The following KLF8 variants were observed in gnomAD, a reference collection of about 807,000 sequenced individuals.
The protein encoded by KLF8 is KLF transcription factor 8, also known as Krueppel-like factor 8.
Under a neutral mutation model 18.2 loss-of-function variants are expected in KLF8, and 10 were observed. The ratio of observed to expected loss-of-function variants is 0.55; its 90% CI spans 0.34 to 0.93. The LOEUF (loss-of-function observed/expected upper bound fraction) is 0.93. Among genes scored for constraint, KLF8 ranks in the 40% least tolerant of loss-of-function variants. The pLI is 0.02. For synonymous variants in KLF8, 109 were observed against 97.3 expected, an observed-to-expected ratio of 1.12 and a Z score of -0.71; for missense variants, 264 against 277.9, an observed-to-expected ratio of 0.95 and a Z score of 0.36.
chrX:56,072,022 A>C, the KLF8 span, among the ~76,000 whole-genome samples: 1 of 111,766 alleles, frequency 8.9e-6, no homozygotes, highest in Non-Finnish European at 1.9e-5. Context: ...TTTAGCAGAT[A>C]AGAATGACTT....
At chrX:56,039,275 A>T in the KLF8 span, among the ~76,000 whole-genome samples, 3 of 111,392 alleles carry the variant, frequency 2.7e-5, no homozygotes, top group East Asian at 8.4e-4. Flanking sequence ...ATGTCATGAA[A>T]TTTTTGCCCA....
At chrX:56,033,746 T>C in the KLF8 span, among the ~76,000 whole-genome samples, 1 of 112,035 alleles carries the variant, frequency 8.9e-6, no homozygotes, top group African/African-American at 3.3e-5. Context: ...AATTTGCATT[T>C]CCCTAATGAT....
chrX:56,016,583 A>G, the KLF8 span, among the ~76,000 whole-genome samples: 1 of 111,832 alleles, frequency 8.9e-6, no homozygotes, highest in Non-Finnish European at 1.9e-5. Flanking sequence ...TAAATAAGCC[A>G]TGAATCTCCA....
the KLF8 span, among the ~76,000 whole-genome samples, chrX:56,157,908 G>T: frequency 9.0e-5 from 10 of 111,722 alleles, no homozygotes; most frequent in African/African-American, 3.3e-4. Context: ...GATCCCATTT[G>T]TCAATTTTGT....
At chrX:55,997,470 A>G in the KLF8 span, among the ~76,000 whole-genome samples, 1 of 111,360 alleles carries the variant, frequency 9.0e-6, no homozygotes. Flanking sequence ...TACTACTCCA[A>G]TGCTCATTTA....
chrX:56,274,471 C>A (rs913240437), intron 5 of KLF8, among the ~76,000 whole-genome samples: 5 of 111,758 alleles, frequency 4.5e-5, no homozygotes, highest in Admixed American at 9.5e-5. Context: ...TGTCTCTTCA[C>A]TTTGTTGATT....
chrX:56,218,057 T>C, the KLF8 span, among the ~76,000 whole-genome samples: 1 of 111,247 alleles, frequency 9.0e-6, no homozygotes, highest in East Asian at 2.8e-4. Flanking sequence ...TGAGGCAGAA[T>C]CATTTGACTT....
chrX:55,971,285 A>G, the KLF8 span, among the ~76,000 whole-genome samples: 5 of 111,657 alleles, frequency 4.5e-5, no homozygotes, highest in Non-Finnish European at 9.5e-5. Context: ...CTCATTTTTG[A>G]CAAAAGCCAA....
chrX:56,131,050 G>A, the KLF8 span, among the ~76,000 whole-genome samples: 2 of 111,469 alleles, frequency 1.8e-5, no homozygotes, highest in African/African-American at 6.5e-5. Flanking sequence ...AAATCTAAAC[G>A]TTAGGAAAAC....
intron 2 of KLF8, among the ~76,000 whole-genome samples, chrX:56,258,054 A>G (rs1179152985): frequency 3.6e-5 from 4 of 112,087 alleles, no homozygotes; most frequent in Non-Finnish European, 7.5e-5. Context: ...ATTTAGCCCT[A>G]TTTGATGTCC....
chrX:56,180,661 G>T, the KLF8 span, among the ~76,000 whole-genome samples: 1 of 110,871 alleles, frequency 9.0e-6, no homozygotes, highest in Non-Finnish European at 1.9e-5. Context: ...GGTATGTTGT[G>T]TCTTTGTTCT....
In KLF8 at chrX:56,288,767, G is replaced by A. The variant is rs1346934505; in HGVS notation, c.*4273G>A. On this transcript the variant is annotated 3_prime_UTR_variant, in exon 6 of 6. Coordinates refer to ENST00000468660, the MANE Select transcript of KLF8 (RefSeq NM_007250.5). Reference sequence around the variant, plus strand: ...TGCCAATAGACTTGTTGGTCACAGGGTTGCCACAAACTTTTAATTTGTAAA... The same window carrying A: ...TGCCAATAGACTTGTTGGTCACAGGATTGCCACAAACTTTTAATTTGTAAA... Among the ~76,000 whole-genome samples the A allele has an allele frequency of 8.9e-6, 1 of 112,560 alleles. No individual in the cohort carries two copies. Among genetic ancestry groups the A allele is most frequent in the East Asian group, 2.8e-4 (1 of 3,617 alleles).
At chrX:55,922,013 G>C in the KLF8 span, among the ~76,000 whole-genome samples, 1 of 112,324 alleles carries the variant, frequency 8.9e-6, no homozygotes, top group South Asian at 3.7e-4. Context: ...TTACACTGTT[G>C]GTGGGAATGT....
chrX:56,081,992 C>G, the KLF8 span, among the ~76,000 whole-genome samples: 1 of 111,279 alleles, frequency 9.0e-6, no homozygotes, highest in Non-Finnish European at 1.9e-5. Context: ...TTTTTCCCTC[C>G]TCTTCAATGT....
the KLF8 span, among the ~76,000 whole-genome samples, chrX:56,076,173 G>A: frequency 0.081 from 8,848 of 109,030 alleles, 895 homozygotes; most frequent in African/African-American, 0.29. Flanking sequence ...AAGTTTTACG[G>A]TACATGTGTA....
At chrX:56,245,550 C>G (rs189756988) in intron 1 of KLF8, among the ~76,000 whole-genome samples, 1 of 111,818 alleles carries the variant, frequency 8.9e-6, no homozygotes, top group East Asian at 2.8e-4. Context: ...ATCTTCTTCC[C>G]TATTTCTTCC....
the KLF8 span, among the ~76,000 whole-genome samples, chrX:56,148,991 C>A: frequency 8.9e-6 from 1 of 112,016 alleles, no homozygotes; most frequent in Non-Finnish European, 1.9e-5. Context: ...GGCTTCATAG[C>A]CCATATAAAG....
chrX:56,030,747 G>A, the KLF8 span, among the ~76,000 whole-genome samples: 3 of 107,691 alleles, frequency 2.8e-5, no homozygotes, highest in South Asian at 1.3e-3. Context: ...TGCTTGGTAA[G>A]GGAGGGGCAC....
the KLF8 span, among the ~76,000 whole-genome samples, chrX:56,161,365 T>C: frequency 8.9e-6 from 1 of 112,065 alleles, no homozygotes; most frequent in East Asian, 2.8e-4. Context: ...CAGAGTGTTT[T>C]CCAACTTGGT....
Sources: allele counts gnomAD v4.1 joint callset (sites outside exome capture counted in the v4.1 genomes callset), GRCh38; gene constraint gnomAD v4.1.1; transcripts MANE v1.5; gene names NCBI Gene and HGNC (gene_info 2026-07-23, HGNC 2026-07-21).